Variants in ELAVL3 observed in about 807,000 individuals in gnomAD.
The protein encoded by ELAVL3 is ELAV like RNA binding protein 3, also known as ELAV-like protein 3.
Under a neutral mutation model 34.2 loss-of-function variants are expected in ELAVL3, and 8 were observed. The observed-to-expected ratio is 0.23, with a 90% CI of 0.14 to 0.42. The LOEUF (loss-of-function observed/expected upper bound fraction) is 0.42, where lower values mean the gene tolerates loss of function less well. Among genes scored for constraint, ELAVL3 ranks in the 10% least tolerant of loss-of-function variants. The pLI is 1.00. For synonymous variants in ELAVL3, 209 were observed against 222.1 expected (o/e 0.94, Z 0.53); for missense variants, 273 against 518.8 (o/e 0.53, Z 4.60).
rs1009227823 is a variant in ELAVL3, at chr19:11,480,516, C to A, written c.9+84G>T. The A allele has an allele frequency of 2.1e-5, 30 of 1,417,806 alleles. No homozygotes were observed. In the Admixed American group the frequency reaches 4.0e-4, roughly 19 times the overall value. The allele number at this position is 1,417,806 out of a possible 1,614,324, so 87.8% of individuals were successfully genotyped here. On this transcript the variant is annotated intron_variant, in intron 1 of 6. Transcript: ENST00000359227. This position sits in a 1 kb window ranked among gnomAD's most constrained non-coding sequence, Gnocchi z 6.8. ...CTAGCTAGGCCTGGTCCTACCCCCC[C>A]CGCCGCACCCGCCCAATCTCCGCGG... is the stretch of plus-strand genomic sequence containing the variant.
rs1429194931 is a variant in ELAVL3 at position 11,480,528 on chromosome 19, C to T, written c.9+72G>A. ...GGTCCTACCCCCCCCGCCGCACCCG[C>T]CCAATCTCCGCGGAGCCTGGGCCCA... On this transcript the variant is annotated intron_variant, in intron 1 of 6. Coordinates refer to ENST00000359227, the MANE Select transcript of ELAVL3 (RefSeq NM_001420.4). The surrounding 1 kb of genome is among the most constrained non-coding windows in gnomAD (Gnocchi z 6.8). The T allele has an allele frequency of 6.1e-6, 9 of 1,473,140 alleles. No homozygotes were observed. The highest frequency in any genetic ancestry group is 8.1e-6 in the Non-Finnish European group (9 of 1,112,442). The allele number at this position is 1,473,140 out of a possible 1,614,324, so 91.3% of individuals were successfully genotyped here.
chr19:11,461,806 G>C (rs751348790), intron 3 of ELAVL3, among the ~76,000 whole-genome samples: 10 of 152,104 alleles, frequency 6.6e-5, no homozygotes, highest in Non-Finnish European at 1.0e-4. Context: ...GATAGATAGG[G>C]GTCATTGTCT....
Position 11,480,484 on chromosome 19 carries a change from CCCGGG to C in ELAVL3, c.9+111_9+115del. On this transcript the variant is annotated intron_variant, in intron 1 of 6. Transcript: ENST00000359227. The surrounding 1 kb of genome is among the most constrained non-coding windows in gnomAD (Gnocchi z 6.8). ...CCGAGGCTTGGTCCTACCCCCCCAA[CCCGGG>C]CCTAGCTAGGCCTGGTCCTACCCCC... 3 of 1,171,174 alleles carry C rather than the reference CCCGGG, an allele frequency of 2.6e-6. No homozygotes were observed. Among genetic ancestry groups the C allele is most frequent in the Non-Finnish European group, 3.4e-6 (3 of 890,650 alleles). The allele number at this position is 1,171,174 out of a possible 1,614,324, so 72.5% of individuals were successfully genotyped here.
At chr19:11,470,649 C>A (rs112015932) in intron 1 of ELAVL3, among the ~76,000 whole-genome samples, 3,278 of 152,202 alleles carry the variant, frequency 0.022, 118 homozygotes, top group African/African-American at 0.075. Flanking sequence ...GCACTCCAGC[C>A]TGGGCAACAA....
chr19:11,462,152 G>A (rs1193447323), intron 3 of ELAVL3, among the ~76,000 whole-genome samples: 8 of 132,634 alleles, frequency 6.0e-5, no homozygotes, highest in Admixed American at 4.1e-4. Context: ...TCCAGCCTGG[G>A]CAACAGAGCG....
At position 11,458,141 on chromosome 19, in the gene ELAVL3, C is replaced by G; in HGVS notation, c.633G>C (p.Gly211=). 1 of 1,614,132 alleles carries G rather than the reference C, an allele frequency of 6.2e-7. No homozygotes were observed. Among genetic ancestry groups the G allele is most frequent in the Non-Finnish European group, 8.5e-7 (1 of 1,180,040 alleles). The change falls in exon 5 of 7, where the codon GGG becomes GGC. Residue 211 remains glycine (G), a synonymous_variant. Coordinates refer to ENST00000359227, the MANE Select transcript of ELAVL3 (RefSeq NM_001420.4). The surrounding 1 kb of genome is among the most constrained non-coding windows in gnomAD (Gnocchi z 7.3). ...KFANNPSQKT[G]QALLTHLYQS... ...GGTAGAGGTGGGTGAGCAGCGCCTG[C>G]CCCGTCTTCTGACTTGGGTTGTTCG... is the stretch of plus-strand genomic sequence containing the variant.
Position 11,458,339 on chromosome 19 carries a change from C to T in ELAVL3, c.488-53G>A. 1 of 1,607,104 alleles carries T rather than the reference C, an allele frequency of 6.2e-7. No individual in the cohort carries two copies. Among genetic ancestry groups the T allele is most frequent in the Non-Finnish European group, 8.5e-7 (1 of 1,175,950 alleles). On this transcript the variant is annotated intron_variant, in intron 4 of 6. Coordinates refer to ENST00000359227, the MANE Select transcript of ELAVL3 (RefSeq NM_001420.4). This position sits in a 1 kb window ranked among gnomAD's most constrained non-coding sequence, Gnocchi z 7.3. Reference sequence around the variant, plus strand: ...GACGACCCTGTCCCCTCCTGTGTAACCCCACTTCTCCCTTCCCTGCTTCAT... The same window carrying T: ...GACGACCCTGTCCCCTCCTGTGTAATCCCACTTCTCCCTTCCCTGCTTCAT...
intron 3 of ELAVL3, among the ~76,000 whole-genome samples, chr19:11,464,010 C>T (rs1351806560): frequency 6.6e-6 from 1 of 150,464 alleles, no homozygotes; most frequent in Admixed American, 6.6e-5. Context: ...AAAAAAAAAC[C>T]TTATCCTACA....
chr19:11,464,757 A>AT (rs2144892413), intron 3 of ELAVL3, among the ~76,000 whole-genome samples: 1 of 118,788 alleles, frequency 8.4e-6, no homozygotes, highest in African/African-American at 4.6e-5. Flanking sequence ...CACCACACAC[A>AT]CATCACACAC....
Position 11,480,881 on chromosome 19 carries a change from C to T in ELAVL3, c.-273G>A. On this transcript the variant is annotated 5_prime_UTR_variant, in exon 1 of 7. Coordinates refer to ENST00000359227, the MANE Select transcript of ELAVL3 (RefSeq NM_001420.4). The surrounding 1 kb of genome is among the most constrained non-coding windows in gnomAD (Gnocchi z 6.8). The stretch of plus-strand genomic sequence containing the variant: ...CGCGGGGTTGAGGACGCCCCCTGCG[C>T]GGCCCCGCGGGGCCCGGGGAGGTTG... The T allele has an allele frequency of 1.4e-5, 5 of 352,932 alleles. No individual in the cohort carries two copies. The highest frequency in any genetic ancestry group is 2.5e-5 in the Non-Finnish European group (5 of 196,644). The allele number at this position is 352,932 out of a possible 1,614,324, so 21.9% of individuals were successfully genotyped here. A position where few individuals can be genotyped will look rare whatever the true frequency, so the allele number is the denominator to read the frequency against.
In ELAVL3 at chr19:11,452,397, C is replaced by A; in HGVS notation, c.*2129G>T. 1 of 150,408 alleles carries A rather than the reference C, an allele frequency of 6.6e-6. No homozygotes were observed. The highest frequency in any genetic ancestry group is 1.9e-4 in the East Asian group (1 of 5,160). 9.3% of individuals were successfully genotyped at this position (150,408 alleles called of 1,614,324 possible). On this transcript the variant is annotated 3_prime_UTR_variant, in exon 7 of 7. Transcript: ENST00000359227. ...GGCAACGAGGAGAATAAATAGTTAACATAGCAATAAGTTAAAACTACAAGA... is the reference window on the plus strand; with the variant it reads ...GGCAACGAGGAGAATAAATAGTTAAAATAGCAATAAGTTAAAACTACAAGA...
rs35334288 is a variant in ELAVL3, at chr19:11,454,469, TTCTCTCTC to T, written c.*49_*56del. 8 of 1,187,372 alleles carry T rather than the reference TTCTCTCTC, an allele frequency of 6.7e-6. No individual in the cohort carries two copies. The highest frequency in any genetic ancestry group is 1.6e-5 in the African/African-American group (1 of 61,974). 73.6% of individuals were successfully genotyped at this position (1,187,372 alleles called of 1,614,324 possible). A position where few individuals can be genotyped will look rare whatever the true frequency, so the allele number is the denominator to read the frequency against. On this transcript the variant is annotated 3_prime_UTR_variant, in exon 7 of 7. Coordinates refer to ENST00000359227, the MANE Select transcript of ELAVL3 (RefSeq NM_001420.4). This position sits in a 1 kb window ranked among gnomAD's most constrained non-coding sequence, Gnocchi z 9.2. ...GCCCCTTCTCTCTCTCTCTCTCTCT[TTCTCTCTC>T]TCTCTCTCTGCTGCCCGGGGAGGGG...
chr19:11,462,851 A>G (rs1970918023), intron 3 of ELAVL3, among the ~76,000 whole-genome samples: 1 of 151,538 alleles, frequency 6.6e-6, no homozygotes, highest in Middle Eastern at 3.4e-3. Context: ...AGTCCCAGCT[A>G]CACGGGAGGC....
At chr19:11,479,336 G>C (rs917647689) in intron 1 of ELAVL3, among the ~76,000 whole-genome samples, 1 of 152,112 alleles carries the variant, frequency 6.6e-6, no homozygotes, top group African/African-American at 2.4e-5. Flanking sequence ...GGAGGGGAGA[G>C]GCTTAGGCAT....
chr19:11,476,270 A>ACCT (rs1971261806), intron 1 of ELAVL3, among the ~76,000 whole-genome samples: 1 of 152,122 alleles, frequency 6.6e-6, no homozygotes, highest in South Asian at 2.1e-4. Context: ...GAGGAAAGAG[A>ACCT]GTCTCAATGA....
Position 11,466,117 on chromosome 19 carries a change from G to T in ELAVL3, c.333+55C>A. 6.5e-7 allele frequency: 1 copy of T among 1,527,250 alleles called. No individual in the cohort carries two copies. The highest frequency in any genetic ancestry group is 9.1e-7 in the Non-Finnish European group (1 of 1,103,282). 94.6% of individuals were successfully genotyped at this position (1,527,250 alleles called of 1,614,324 possible). A position where few individuals can be genotyped will look rare whatever the true frequency, so the allele number is the denominator to read the frequency against. On this transcript the variant is annotated intron_variant, in intron 3 of 6. Transcript: ENST00000359227. The surrounding 1 kb of genome is among the most constrained non-coding windows in gnomAD (Gnocchi z 5.0). Reference sequence around the variant, plus strand: ...GGCGGGTAGGTGGCAGTAGGGGGTTGGGGACAGTCAGTTGGGGTGGGCGGT... The same window carrying T: ...GGCGGGTAGGTGGCAGTAGGGGGTTTGGGACAGTCAGTTGGGGTGGGCGGT...
At position 11,454,910 on chromosome 19, in the gene ELAVL3, C is replaced by A. The variant is rs757131653; in HGVS notation, c.753-33G>T. 6.4e-7 allele frequency: 1 copy of A among 1,560,128 alleles called. No individual in the cohort carries two copies. Among genetic ancestry groups the A allele is most frequent in the African/African-American group, 1.4e-5 (1 of 74,006 alleles). ...GGGGGTCACGCGGGCTCTGCCCTGA[C>A]CCCCCGCATGCTTCTGACCCCGTTG... On this transcript the variant is annotated intron_variant, in intron 6 of 6. Transcript: ENST00000359227. This position sits in a 1 kb window ranked among gnomAD's most constrained non-coding sequence, Gnocchi z 9.2.
chr19:11,457,039 T>A (rs1444208139), intron 6 of ELAVL3, 71 bp downstream of exon 6: 1 of 1,327,216 alleles, frequency 7.5e-7, no homozygotes. Flanking sequence ...GCCCTGGGGG[T>A]GAGCTGGGGA....
intron 3 of ELAVL3, among the ~76,000 whole-genome samples, chr19:11,465,133 C>CACACAT (rs1251559075): frequency 1.4e-5 from 2 of 145,598 alleles, no homozygotes; most frequent in Non-Finnish European, 3.0e-5. Context: ...ATACACACCA[C>CACACAT]ACACATACAC....
Sources: allele counts gnomAD v4.1 joint callset (sites outside exome capture counted in the v4.1 genomes callset), GRCh38; gene constraint gnomAD v4.1.1; non-coding constraint Gnocchi (gnomAD v3.1); transcripts MANE v1.5; gene names NCBI Gene and HGNC (gene_info 2026-07-23, HGNC 2026-07-21).